The following VTI1A variants were observed in gnomAD, a reference collection of about 807,000 sequenced individuals.
VTI1A encodes vesicle transport through interaction with t-SNAREs homolog 1A.
A neutral mutation model predicts 34.9 loss-of-function variants in VTI1A; 22 were observed. The ratio of observed to expected loss-of-function variants is 0.63; its 90% CI spans 0.45 to 0.90. The LOEUF is 0.90. VTI1A is among the 40% of genes least tolerant of loss of function. The pLI, the probability that VTI1A is intolerant of heterozygous loss-of-function variation, is 0.00. For synonymous variants in VTI1A, 87 were observed against 97.3 expected (o/e 0.89, Z 0.62); for missense variants, 268 against 275.6 (o/e 0.97, Z 0.20).
At chr10:112,447,035 G>GCATA, upstream of VTI1A, 1 of 291,574 alleles carries the variant, frequency 3.4e-6, no homozygotes, top group South Asian at 6.4e-5. Flanking sequence ...CCGATTCCCA[G>GCATA]AACACGAAGG....
At chr10:112,524,171 A>G (rs1032720085) in intron 3 of VTI1A, among the ~76,000 whole-genome samples, 6 of 152,068 alleles carry the variant, frequency 3.9e-5, no homozygotes, top group Non-Finnish European at 8.8e-5. Flanking sequence ...CTTGCAGGCT[A>G]AGTTATGGTT....
At chr10:112,570,396 A>G (rs1033378743) in intron 5 of VTI1A, among the ~76,000 whole-genome samples, 2 of 152,178 alleles carry the variant, frequency 1.3e-5, no homozygotes, top group African/African-American at 4.8e-5. Context: ...AAAACCTAAT[A>G]TTGGCATTCT....
chr10:112,541,871 A>G (rs1009110444), intron 5 of VTI1A, among the ~76,000 whole-genome samples: 1 of 152,312 alleles, frequency 6.6e-6, no homozygotes, highest in East Asian at 1.9e-4. Context: ...TTATTTGAGA[A>G]TATTGATGAA....
At chr10:112,511,948 T>G (rs1161561830) in intron 3 of VTI1A, among the ~76,000 whole-genome samples, 1 of 152,224 alleles carries the variant, frequency 6.6e-6, no homozygotes, top group Non-Finnish European at 1.5e-5. Flanking sequence ...TACCACATTT[T>G]CTTTATCCAT....
chr10:112,787,766 A>G (rs528707935), intron 7 of VTI1A, among the ~76,000 whole-genome samples: 2 of 140,944 alleles, frequency 1.4e-5, no homozygotes, highest in African/African-American at 5.4e-5. Flanking sequence ...CAGTGGCACA[A>G]TCTTGTCTCA....
intron 6 of VTI1A, among the ~76,000 whole-genome samples, 177 bp from the exon 7 acceptor site, chr10:112,668,760 A>G (rs981838481): frequency 6.6e-6 from 1 of 152,158 alleles, no homozygotes; most frequent in African/African-American, 2.4e-5. Context: ...CTCACGTGTC[A>G]TTCTCCAAAT....
chr10:112,572,403 T>C (rs928844820), intron 5 of VTI1A, among the ~76,000 whole-genome samples: 11 of 152,226 alleles, frequency 7.2e-5, no homozygotes, highest in Non-Finnish European at 4.4e-5. Flanking sequence ...GTAGTTTTCT[T>C]ATTTTATCTC....
chr10:112,718,454 T>G (rs1849684217), intron 7 of VTI1A, among the ~76,000 whole-genome samples: 1 of 152,228 alleles, frequency 6.6e-6, no homozygotes, highest in Non-Finnish European at 1.5e-5. Flanking sequence ...AATTTTACAT[T>G]TTTTAGTAAG....
chr10:112,787,993 G>T lies in VTI1A; in HGVS notation c.561-27297G>T, dbSNP rs151068758. On this transcript the variant is annotated intron_variant, in intron 7 of 7. Coordinates refer to ENST00000393077, the MANE Select transcript of VTI1A (RefSeq NM_145206.4). ...CTGGATTACAGGCATGAGCCACCGC[G>T]CCTGGCCACCAAATTACTTTCTATT... Among the ~76,000 whole-genome samples the T allele has an allele frequency of 2.8e-3, 419 of 151,598 alleles. 1 individual carries two copies. Among genetic ancestry groups the T allele is most frequent in the Non-Finnish European group, 4.3e-3 (290 of 67,918 alleles).
intron 5 of VTI1A, among the ~76,000 whole-genome samples, chr10:112,654,824 G>T (rs1417334911): frequency 1.3e-5 from 2 of 152,124 alleles, no homozygotes; most frequent in African/African-American, 4.8e-5. Context: ...TAGTTCCCTT[G>T]TCTTGAGTTT....
chr10:112,507,427 C>T (rs1006320728), intron 3 of VTI1A, among the ~76,000 whole-genome samples: 2 of 152,136 alleles, frequency 1.3e-5, no homozygotes, highest in Non-Finnish European at 2.9e-5. Flanking sequence ...TGCCTTACAC[C>T]CTTTGAAGAT....
At chr10:112,757,090 A>G (rs962084105) in intron 7 of VTI1A, among the ~76,000 whole-genome samples, 5 of 151,904 alleles carry the variant, frequency 3.3e-5, no homozygotes, top group African/African-American at 1.2e-4. Flanking sequence ...CATTCAACAA[A>G]TACTAATTCA....
At chr10:112,711,934 C>G (rs1399283822) in intron 7 of VTI1A, among the ~76,000 whole-genome samples, 2 of 152,212 alleles carry the variant, frequency 1.3e-5, no homozygotes, top group African/African-American at 4.8e-5. Flanking sequence ...TGTCCATTCT[C>G]TAGCTGAAGA....
intron 7 of VTI1A, among the ~76,000 whole-genome samples, chr10:112,782,962 A>C (rs903247412): frequency 2.6e-5 from 4 of 152,284 alleles, no homozygotes; most frequent in South Asian, 2.1e-4. Flanking sequence ...ATACCATCAG[A>C]TCGAAAGTGC....
rs557551978 is a variant in VTI1A at position 112,814,313 on chromosome 10, G to A, written c.561-977G>A. Among the ~76,000 whole-genome samples, 2 of 152,264 alleles carry A rather than the reference G, an allele frequency of 1.3e-5. 1 individual carries two copies. The highest frequency in any genetic ancestry group is 3.9e-4 in the East Asian group (2 of 5,162). Reference sequence around the variant, plus strand: ...GGAGGGTTGGATGGGGTTTGCCGTGGGGTTTTAAGCTGGACAGATAGCTGG... The same window carrying A: ...GGAGGGTTGGATGGGGTTTGCCGTGAGGTTTTAAGCTGGACAGATAGCTGG... On this transcript the variant is annotated intron_variant, in intron 7 of 7. Coordinates refer to ENST00000393077, the MANE Select transcript of VTI1A (RefSeq NM_145206.4).
intron 7 of VTI1A, among the ~76,000 whole-genome samples, chr10:112,710,988 T>C (rs1356503402): frequency 6.6e-6 from 1 of 152,234 alleles, no homozygotes; most frequent in Non-Finnish European, 1.5e-5. Flanking sequence ...ATGGGCAGTT[T>C]TAATATTCTC....
At chr10:112,852,903 C>T in the VTI1A span, among the ~76,000 whole-genome samples, 4 of 152,124 alleles carry the variant, frequency 2.6e-5, no homozygotes, top group South Asian at 2.1e-4. Context: ...CTCAGCCTCC[C>T]GAGTAAGTGG....
At chr10:112,752,235 G>A (rs1851129035) in intron 7 of VTI1A, 1 of 279,094 alleles carries the variant, frequency 3.6e-6, no homozygotes, top group South Asian at 1.4e-4. Context: ...CTAAGCTGTG[G>A]TGAGACCCAG....
chr10:112,670,886 G>A (rs1455206772), intron 7 of VTI1A, among the ~76,000 whole-genome samples: 3 of 152,182 alleles, frequency 2.0e-5, no homozygotes, highest in African/African-American at 7.2e-5. Context: ...AAGTCCACCT[G>A]TTCATATGCA....
Sources: allele counts gnomAD v4.1 joint callset (sites outside exome capture counted in the v4.1 genomes callset), GRCh38; gene constraint gnomAD v4.1.1; transcripts MANE v1.5; gene names NCBI Gene and HGNC (gene_info 2026-07-23, HGNC 2026-07-21).